Variants in PCDHGB1 observed in about 807,000 individuals in gnomAD.
The protein encoded by PCDHGB1 is protocadherin gamma subfamily B, 1.
In PCDHGB1, 34 loss-of-function variants were observed where a neutral mutation model predicts 56.6. The ratio of observed to expected loss-of-function variants is 0.60; its 90% CI spans 0.46 to 0.80. The LOEUF (loss-of-function observed/expected upper bound fraction) is 0.80, where lower values mean the gene tolerates loss of function less well. Among genes scored for constraint, PCDHGB1 ranks in the 30% least tolerant of loss-of-function variants. The probability of loss-of-function intolerance (pLI) is 0.00; values close to 1 mark genes in which losing one functional copy is unlikely to be tolerated. For synonymous variants in PCDHGB1, 561 were observed against 505.9 expected (o/e 1.11, Z -1.46); for missense variants, 1,278 against 1,204.6 (o/e 1.06, Z -0.90).
chr5:141,408,058 G>A, intron 1 of PCDHGB1: 1 of 1,316,270 alleles, frequency 7.6e-7, no homozygotes. Flanking sequence ...GAGCCTCCCG[G>A]CTGCGCAGAC....
chr5:141,440,393 G>A (rs1444541990), intron 1 of PCDHGB1: 1 of 152,180 alleles, frequency 6.6e-6, no homozygotes, highest in Admixed American at 6.5e-5. Flanking sequence ...TTGAACCCGA[G>A]AGGCAATCGC....
At chr5:141,393,459 G>C (rs988813968) in intron 1 of PCDHGB1, 1 of 1,613,928 alleles carries the variant, frequency 6.2e-7, no homozygotes, top group Non-Finnish European at 8.5e-7. Flanking sequence ...CACGGCCTCG[G>C]ATGGCGGCAA....
chr5:141,403,547 G>T (rs940508173), intron 1 of PCDHGB1: 8 of 1,613,888 alleles, frequency 5.0e-6, no homozygotes, highest in African/African-American at 1.3e-5. Flanking sequence ...GCTGGAGCGC[G>T]CCCTGGACAG....
intron 1 of PCDHGB1, chr5:141,393,544 A>T: frequency 6.2e-7 from 1 of 1,613,800 alleles, no homozygotes; most frequent in East Asian, 2.2e-5. Context: ...GTTTTTCCTC[A>T]CCCGATTTAC....
At chr5:141,383,499 G>A (rs1779188122) in intron 1 of PCDHGB1, 1 of 1,612,970 alleles carries the variant, frequency 6.2e-7, no homozygotes. Flanking sequence ...AGCGGGTGCT[G>A]GACCGGGAGG....
Position 141,365,604 on chromosome 5 carries a change from T to C in PCDHGB1, c.2409+12935T>C, listed in dbSNP as rs370603640. The stretch of plus-strand genomic sequence containing the variant: ...GATTATAATATCACTTTAACCGTCA[T>C]GGACCATGGAACCCCGCCCCTCTCT... On this transcript the variant is annotated intron_variant, in intron 1 of 3. Transcript: ENST00000523390. 2.4e-5 allele frequency: 39 copies of C among 1,613,554 alleles called. No homozygotes were observed. Among genetic ancestry groups the C allele is most frequent in the Non-Finnish European group, 3.0e-5 (35 of 1,179,904 alleles).
At chr5:141,365,996 AACG>A (rs1588620860) in intron 1 of PCDHGB1, 4 of 1,614,192 alleles carry the variant, frequency 2.5e-6, no homozygotes, top group Non-Finnish European at 3.4e-6. Context: ...GCTGGACCAG[AACG>A]ACAATACGCC....
chr5:141,398,813 G>A (rs779872602), intron 1 of PCDHGB1: 11 of 1,613,838 alleles, frequency 6.8e-6, no homozygotes, highest in Admixed American at 3.3e-5. Flanking sequence ...ACTGAGCTCC[G>A]GATCCAGGTA....
intron 1 of PCDHGB1, chr5:141,389,382 T>C (rs2091728828): frequency 6.2e-7 from 1 of 1,613,704 alleles, no homozygotes; most frequent in East Asian, 2.2e-5. Flanking sequence ...GCGGGAGCTG[T>C]CATCCTACGT....
intron 1 of PCDHGB1, chr5:141,384,592 C>T (rs1780248278): frequency 6.2e-7 from 1 of 1,614,120 alleles, no homozygotes; most frequent in African/African-American, 1.3e-5. Flanking sequence ...GATCCTGTAC[C>T]CGGCCCTCCC....
intron 1 of PCDHGB1, chr5:141,385,485 A>G: frequency 7.1e-7 from 1 of 1,418,146 alleles, no homozygotes; most frequent in Admixed American, 3.0e-5. Flanking sequence ...AATATAGAAC[A>G]CATAGGATAT....
chr5:141,403,135 GCGCCGAGTC>G, intron 1 of PCDHGB1: 4 of 1,614,064 alleles, frequency 2.5e-6, no homozygotes, highest in Non-Finnish European at 3.4e-6. Context: ...AGCTGGCGGA[GCGCCGAGTC>G]CGCATCGTCT....
chr5:141,478,290 A>G, intron 1 of PCDHGB1: 1 of 1,614,056 alleles, frequency 6.2e-7, no homozygotes, highest in South Asian at 1.1e-5. Flanking sequence ...CAGTCTAGAG[A>G]CCTATACCGA....
chr5:141,354,912 G>A lies in PCDHGB1; in HGVS notation c.2409+2243G>A, dbSNP rs3806836. On this transcript the variant is annotated intron_variant, in intron 1 of 3. Coordinates refer to ENST00000523390, the MANE Select transcript of PCDHGB1 (RefSeq NM_018922.3). ...TTGGGAGAAATAGGAATAGAAAAGT[G>A]TATAAAAAATAAACTTTTTTTAACC... 0.019 allele frequency: 7,625 copies of A among 408,662 alleles called. 710 individuals are homozygous for A. In the East Asian group the frequency reaches 0.22, roughly 12 times the overall value. The allele number at this position is 408,662 out of a possible 1,614,324, so 25.3% of individuals were successfully genotyped here. A position where few individuals can be genotyped will look rare whatever the true frequency, so the allele number is the denominator to read the frequency against.
chr5:141,364,731 G>A (rs932792949), intron 1 of PCDHGB1: 1 of 1,613,914 alleles, frequency 6.2e-7, no homozygotes, highest in Non-Finnish European at 8.5e-7. Context: ...CCGCGTTTCC[G>A]GGATGAAGAG....
intron 1 of PCDHGB1, chr5:141,388,489 G>A: frequency 6.2e-7 from 1 of 1,613,844 alleles, no homozygotes; most frequent in Non-Finnish European, 8.5e-7. Context: ...CCTTTGGACA[G>A]AGAAAAGCAG....
Position 141,477,350 on chromosome 5 carries a change from A to G in PCDHGB1, c.2410-17457A>G. The G allele has an allele frequency of 6.2e-7, 1 of 1,614,142 alleles. No individual in the cohort carries two copies. Among genetic ancestry groups the G allele is most frequent in the Non-Finnish European group, 8.5e-7 (1 of 1,180,016 alleles). On this transcript the variant is annotated intron_variant, in intron 1 of 3. Transcript: ENST00000523390. The surrounding 1 kb of genome is among the most constrained non-coding windows in gnomAD (Gnocchi z 4.9). ...CAAGAATTACTTCACTTTGAAAACC[A>G]GTGCAGACCTGGATCGGGAGACTGT...
chr5:141,356,039 CT>C (rs1352227097), intron 1 of PCDHGB1: 1 of 1,613,832 alleles, frequency 6.2e-7, no homozygotes, highest in Non-Finnish European at 8.5e-7. Context: ...GTGACGTATT[CT>C]TTCCGGAAAG....
At chr5:141,376,675 C>CCTTTTTTTT (rs1561575046) in intron 1 of PCDHGB1, 1 of 343,980 alleles carries the variant, frequency 2.9e-6, no homozygotes. Context: ...GTGAGGGTAT[C>CCTTTTTTTT]GTTTTTTTTT....
Sources: allele counts gnomAD v4.1 joint callset, GRCh38; gene constraint gnomAD v4.1.1; non-coding constraint Gnocchi (gnomAD v3.1); transcripts MANE v1.5; gene names NCBI Gene and HGNC (gene_info 2026-07-23, HGNC 2026-07-21).